Variants in LHFPL2 observed in about 807,000 individuals in gnomAD.
The protein encoded by LHFPL2 is LHFPL tetraspan subfamily member 2 protein.
In LHFPL2, 7 loss-of-function variants were observed where a neutral mutation model predicts 17.5. That is an observed-to-expected ratio of 0.40 (90% CI 0.23 to 0.75). The LOEUF is 0.75. LHFPL2 is among the 30% of genes least tolerant of loss of function. The probability of loss-of-function intolerance (pLI) is 0.37; values close to 1 mark genes in which losing one functional copy is unlikely to be tolerated. For missense variants in LHFPL2, 241 were observed against 294.8 expected (o/e 0.82, Z 1.34); for synonymous variants, 134 against 116.2 (o/e 1.15, Z -0.99).
At chr5:78,546,335 A>T (rs1044283888) in intron 3 of LHFPL2, among the ~76,000 whole-genome samples, 4 of 152,178 alleles carry the variant, frequency 2.6e-5, no homozygotes, top group African/African-American at 9.7e-5. Context: ...GTTCTGAGGC[A>T]CTCCACTCAC....
At chr5:78,525,130 A>C (rs536291940) in intron 3 of LHFPL2, among the ~76,000 whole-genome samples, 2 of 152,298 alleles carry the variant, frequency 1.3e-5, no homozygotes, top group African/African-American at 4.8e-5. Context: ...GTGGCCAAAA[A>C]CAATGTCTTT....
intron 2 of LHFPL2, among the ~76,000 whole-genome samples, chr5:78,565,432 G>C (rs965607747): frequency 6.6e-6 from 1 of 152,180 alleles, no homozygotes; most frequent in Admixed American, 6.5e-5. Flanking sequence ...ACTTATTAAT[G>C]ATTAGTTTAT....
intron 3 of LHFPL2, among the ~76,000 whole-genome samples, chr5:78,540,603 C>T (rs903050882): frequency 4.6e-5 from 7 of 152,296 alleles, no homozygotes; most frequent in East Asian, 1.9e-4. Flanking sequence ...GATGGGAGGC[C>T]GGAGAGATGC....
intron 3 of LHFPL2, among the ~76,000 whole-genome samples, chr5:78,532,000 C>T (rs1755798521): frequency 6.6e-6 from 1 of 151,890 alleles, no homozygotes; most frequent in South Asian, 2.1e-4. Flanking sequence ...TCTTGGCTCA[C>T]TGCAACCTCC....
chr5:78,541,282 G>A (rs914412773), intron 3 of LHFPL2, among the ~76,000 whole-genome samples: 1 of 152,162 alleles, frequency 6.6e-6, no homozygotes, highest in African/African-American at 2.4e-5. Flanking sequence ...GGGAGGGGGC[G>A]AAGGTGGGGA....
intron 2 of LHFPL2, among the ~76,000 whole-genome samples, chr5:78,584,552 T>C (rs189179494): frequency 0.022 from 3,353 of 152,226 alleles, 123 homozygotes; most frequent in African/African-American, 0.077. Context: ...GTGTGAGGTG[T>C]CAGTCTGCCC....
chr5:78,607,921 C>T (rs1348809955), intron 2 of LHFPL2, among the ~76,000 whole-genome samples: 1 of 152,162 alleles, frequency 6.6e-6, no homozygotes, highest in Non-Finnish European at 1.5e-5. Context: ...TATGAAATCA[C>T]TCTAGGCAGT....
chr5:78,568,831 T>C (rs1275694868), intron 2 of LHFPL2, among the ~76,000 whole-genome samples: 1 of 152,178 alleles, frequency 6.6e-6, no homozygotes, highest in Non-Finnish European at 1.5e-5. Flanking sequence ...GGCAGAGCAC[T>C]GTGTATCACA....
intron 3 of LHFPL2, among the ~76,000 whole-genome samples, chr5:78,561,337 C>T (rs1217455993): frequency 6.6e-6 from 1 of 152,190 alleles, no homozygotes; most frequent in Admixed American, 6.5e-5. Flanking sequence ...GCTCAGCAGC[C>T]ACACGGGGAG....
intron 3 of LHFPL2, among the ~76,000 whole-genome samples, chr5:78,547,380 A>G (rs1271883153): frequency 6.6e-6 from 1 of 152,210 alleles, no homozygotes; most frequent in Non-Finnish European, 1.5e-5. Context: ...TCAACTCCCC[A>G]AAAGCAATGT....
intron 4 of LHFPL2, 73 bp downstream of exon 4, chr5:78,509,711 C>T (rs1296021680): frequency 1.4e-6 from 2 of 1,451,618 alleles, no homozygotes; most frequent in Non-Finnish European, 1.9e-6. Context: ...AGCGAATGCC[C>T]AGTACCAGAG....
intron 4 of LHFPL2, among the ~76,000 whole-genome samples, chr5:78,501,674 C>T (rs1350566803): frequency 4.7e-4 from 71 of 152,132 alleles, no homozygotes. Context: ...AGTGATCCTC[C>T]TGCCCGTGTA....
intron 4 of LHFPL2, among the ~76,000 whole-genome samples, chr5:78,498,819 T>A (rs1328079753): frequency 6.6e-6 from 1 of 152,210 alleles, no homozygotes; most frequent in African/African-American, 2.4e-5. Context: ...TGGATAACCA[T>A]CTATCTGGAA....
At chr5:78,508,235 G>A (rs1235322595) in intron 4 of LHFPL2, among the ~76,000 whole-genome samples, 1 of 152,154 alleles carries the variant, frequency 6.6e-6, no homozygotes, top group Non-Finnish European at 1.5e-5. Flanking sequence ...GAGACCCGGG[G>A]TGGTACATTT....
At chr5:78,490,793 C>A (rs1754418013) in intron 4 of LHFPL2, among the ~76,000 whole-genome samples, 1 of 146,982 alleles carries the variant, frequency 6.8e-6, no homozygotes, top group African/African-American at 2.5e-5. Context: ...AGGAGGAGGG[C>A]AAAAACATTT....
At chr5:78,626,968 C>T (rs183258392) in intron 2 of LHFPL2, among the ~76,000 whole-genome samples, 4 of 152,130 alleles carry the variant, frequency 2.6e-5, no homozygotes, top group East Asian at 1.9e-4. Flanking sequence ...GTAATCCCAG[C>T]GACTCAGGTG....
rs78734837 is a variant in LHFPL2 at position 78,574,148 on chromosome 5, C to T, written c.-244-9277G>A. Among the ~76,000 whole-genome samples the T allele has an allele frequency of 6.7e-3, 1,024 of 152,346 alleles. 13 individuals carry two copies. Among genetic ancestry groups the T allele is most frequent in the African/African-American group, 0.023 (972 of 41,564 alleles). On this transcript the variant is annotated intron_variant, in intron 2 of 4. Coordinates refer to ENST00000380345, the MANE Select transcript of LHFPL2 (RefSeq NM_005779.3). Reference sequence around the variant, plus strand: ...ATTATTTACATAATGTCTGTTCTAACTTAGAGGAGGAAGTTTTGTCTTCAG... The same window carrying T: ...ATTATTTACATAATGTCTGTTCTAATTTAGAGGAGGAAGTTTTGTCTTCAG...
At chr5:78,553,582 A>G (rs1756500370) in intron 3 of LHFPL2, among the ~76,000 whole-genome samples, 2 of 152,168 alleles carry the variant, frequency 1.3e-5, no homozygotes, top group Admixed American at 1.3e-4. Context: ...ATTAGGATAT[A>G]TTTTCCAGGT....
At chr5:78,634,856 G>A (rs943147390) in intron 1 of LHFPL2, among the ~76,000 whole-genome samples, 7 of 152,200 alleles carry the variant, frequency 4.6e-5, no homozygotes, top group Non-Finnish European at 1.0e-4. Flanking sequence ...ATGCCCCCTT[G>A]AGGACAAAGA....
Sources: allele counts gnomAD v4.1 joint callset (sites outside exome capture counted in the v4.1 genomes callset), GRCh38; gene constraint gnomAD v4.1.1; transcripts MANE v1.5; gene names NCBI Gene and HGNC (gene_info 2026-07-23, HGNC 2026-07-21).